STAB2: variants seen among roughly 807,000 people sequenced by gnomAD.
STAB2 encodes stabilin-2.
In STAB2, 288 loss-of-function variants were observed where a neutral mutation model predicts 338.1. That is an observed-to-expected ratio of 0.85 (90% CI 0.77 to 0.94). The LOEUF (loss-of-function observed/expected upper bound fraction) is 0.94. Among genes scored for constraint, STAB2 ranks in the 40% least tolerant of loss-of-function variants. STAB2 has a pLI of 0.00. For synonymous variants in STAB2, 1,202 were observed against 1,193.3 expected (o/e 1.01, Z -0.15); for missense variants, 3,141 against 3,210.1 (o/e 0.98, Z 0.52).
At chr12:103,638,864 A>C (rs1248027885) in intron 8 of STAB2, among the ~76,000 whole-genome samples, 1 of 152,196 alleles carries the variant, frequency 6.6e-6, no homozygotes, top group Non-Finnish European at 1.5e-5. Flanking sequence ...CAGTGAAGGA[A>C]ATGTGTCCAT....
chr12:103,761,507 TTCCTCCAGAGACTGGAGGA>T, intron 66 of STAB2, 97 bp downstream of exon 66: 10 of 1,111,850 alleles, frequency 9.0e-6, no homozygotes, highest in Non-Finnish European at 1.3e-5. Flanking sequence ...CTCCTCCCTC[TTCCTCCAGAGACTGGAGGA>T]GCCTCCAGCC....
chr12:103,759,315 G>C, intron 65 of STAB2, 42 bp downstream of exon 65: 1 of 1,604,888 alleles, frequency 6.2e-7, no homozygotes, highest in Non-Finnish European at 8.5e-7. Context: ...GGGAGATAAT[G>C]CATGCAAAGT....
At chr12:103,748,905 T>A in intron 58 of STAB2, 58 bp from the exon 59 acceptor site, 1 of 1,561,164 alleles carries the variant, frequency 6.4e-7, no homozygotes, top group Non-Finnish European at 8.7e-7. Flanking sequence ...TACCCTGACC[T>A]GAAGCCCTAG....
At chr12:103,708,968 A>C (rs983385400) in intron 39 of STAB2, among the ~76,000 whole-genome samples, 2 of 152,212 alleles carry the variant, frequency 1.3e-5, no homozygotes, top group Non-Finnish European at 2.9e-5. Flanking sequence ...CTGCTCTCTC[A>C]AACACTGCTA....
chr12:103,651,066 C>T (rs1329752970), intron 11 of STAB2, among the ~76,000 whole-genome samples: 1 of 152,140 alleles, frequency 6.6e-6, no homozygotes, highest in African/African-American at 2.4e-5. Context: ...GTGTGAGCAG[C>T]TGTTGTTTGA....
At chr12:103,637,941 C>T in intron 7 of STAB2, 75 bp from the exon 8 acceptor site, 3 of 1,471,290 alleles carry the variant, frequency 2.0e-6, no homozygotes, top group Non-Finnish European at 1.9e-6. Flanking sequence ...TTTTGATCCA[C>T]TGTTGCTCAC....
At chr12:103,720,104 A>T (rs1415161197) in intron 44 of STAB2, among the ~76,000 whole-genome samples, 1 of 152,198 alleles carries the variant, frequency 6.6e-6, no homozygotes, top group East Asian at 1.9e-4. Flanking sequence ...CAGTTATGTA[A>T]GGATAATAAA....
intron 2 of STAB2, among the ~76,000 whole-genome samples, chr12:103,593,267 A>C (rs1327583305): frequency 6.6e-6 from 1 of 152,128 alleles, no homozygotes; most frequent in Non-Finnish European, 1.5e-5. Flanking sequence ...AGTTATACCA[A>C]TTTACATTCT....
chr12:103,651,616 T>C (rs966798636), intron 11 of STAB2, among the ~76,000 whole-genome samples: 4 of 152,146 alleles, frequency 2.6e-5, no homozygotes, highest in African/African-American at 9.7e-5. Context: ...CTGGCCCAGA[T>C]CTTGATTTTT....
chr12:103,610,993 C>A (rs528741354), intron 3 of STAB2, among the ~76,000 whole-genome samples: 1 of 152,130 alleles, frequency 6.6e-6, no homozygotes, highest in African/African-American at 2.4e-5. Flanking sequence ...TGTAGTGGAG[C>A]GGTTTTGAGT....
chr12:103,591,851 G>C (rs151075483), intron 2 of STAB2, among the ~76,000 whole-genome samples: 443 of 152,300 alleles, frequency 2.9e-3, no homozygotes, highest in African/African-American at 9.2e-3. Context: ...TGCAGCCATG[G>C]GGCTCAACTG....
In STAB2 at chr12:103,759,281, G is replaced by C; in HGVS notation, c.7248+8G>C. The C allele has an allele frequency of 1.9e-6, 3 of 1,613,224 alleles. No homozygotes were observed. The highest frequency in any genetic ancestry group is 2.2e-5 in the South Asian group (2 of 90,980). ...CAGGACCCACTCCAACCGGTACAAA[G>C]TCTTCTGGGCTTCTTGGGGGAACGG... On this transcript the variant is annotated splice_region_variant and intron_variant, in intron 65 of 68. Coordinates refer to ENST00000388887, the MANE Select transcript of STAB2 (RefSeq NM_017564.10).
intron 19 of STAB2, among the ~76,000 whole-genome samples, chr12:103,667,597 A>G (rs1397599667): frequency 2.6e-5 from 4 of 152,182 alleles, no homozygotes; most frequent in Non-Finnish European, 2.9e-5. Context: ...AGAAGCCCTC[A>G]AATCACCCAT....
intron 19 of STAB2, among the ~76,000 whole-genome samples, chr12:103,666,826 G>T (rs1479932245): frequency 2.0e-5 from 3 of 152,166 alleles, no homozygotes; most frequent in South Asian, 2.1e-4. Flanking sequence ...ACTATCAAAA[G>T]CTTCCAAGTT....
chr12:103,616,635 C>T (rs1460527979), intron 3 of STAB2, among the ~76,000 whole-genome samples: 1 of 152,214 alleles, frequency 6.6e-6, no homozygotes, highest in Non-Finnish European at 1.5e-5. Context: ...TGAGCAAGCC[C>T]AGAAGGCAAA....
In STAB2 at chr12:103,710,777, A is replaced by G. The variant is rs141267908; in HGVS notation, c.4289-694A>G. Among the ~76,000 whole-genome samples the G allele has an allele frequency of 3.6e-3, 547 of 152,294 alleles. 2 individuals are homozygous for G. Among genetic ancestry groups the G allele is most frequent in the African/African-American group, 0.012 (516 of 41,560 alleles). ...AGGCCTCTGTTTCAGGACCTCCTGT[A>G]TGACTCAGCCAGGATTGGTAAGATT... On this transcript the variant is annotated intron_variant, in intron 39 of 68. Transcript: ENST00000388887.
chr12:103,655,032 T>C (rs1310022157), intron 13 of STAB2, among the ~76,000 whole-genome samples: 1 of 152,234 alleles, frequency 6.6e-6, no homozygotes, highest in Non-Finnish European at 1.5e-5. Flanking sequence ...ACTTCTGACC[T>C]AGATGATGAG....
intron 3 of STAB2, among the ~76,000 whole-genome samples, chr12:103,605,081 C>A (rs543891393): frequency 2.6e-5 from 4 of 151,832 alleles, no homozygotes; most frequent in Admixed American, 2.0e-4. Flanking sequence ...TAATTTCCAT[C>A]TTGATTTATT....
At chr12:103,654,949 G>A (rs769232180) in intron 13 of STAB2, 4 of 543,422 alleles carry the variant, frequency 7.4e-6, no homozygotes, top group Non-Finnish European at 1.3e-5. Flanking sequence ...TACTGCATCA[G>A]GCAACTCAGT....
Sources: allele counts gnomAD v4.1 joint callset (sites outside exome capture counted in the v4.1 genomes callset), GRCh38; gene constraint gnomAD v4.1.1; transcripts MANE v1.5; gene names NCBI Gene and HGNC (gene_info 2026-07-23, HGNC 2026-07-21).